The following PDIA5 variants were observed in gnomAD, a reference collection of about 807,000 sequenced individuals.
PDIA5 encodes protein disulfide-isomerase A5.
In PDIA5, 58 loss-of-function variants were observed where a neutral mutation model predicts 77.6. That is an observed-to-expected ratio of 0.75 (90% CI 0.61 to 0.93). The LOEUF is 0.93. PDIA5 is among the 40% of genes least tolerant of loss of function. The probability of loss-of-function intolerance (pLI) is 0.00; values close to 1 mark genes in which losing one functional copy is unlikely to be tolerated. For missense variants in PDIA5, 630 were observed against 647.7 expected (o/e 0.97, Z 0.30); for synonymous variants, 250 against 252.1 (o/e 0.99, Z 0.08).
intron 1 of PDIA5, among the ~76,000 whole-genome samples, chr3:123,076,269 A>G (rs1176917815): frequency 2.6e-5 from 4 of 152,152 alleles, no homozygotes; most frequent in Non-Finnish European, 4.4e-5. Flanking sequence ...CTACTGTTTT[A>G]GGCTTAATCC....
At chr3:123,102,538 T>C (rs2241961) in intron 4 of PDIA5, 44 bp downstream of exon 4, 1,325,220 of 1,414,636 alleles carry the variant, frequency 0.94, 622,804 homozygotes, top group Non-Finnish European at 0.96. Flanking sequence ...AAGTGCCAAA[T>C]GCTTTCATTG....
chr3:123,152,932 C>T lies in PDIA5; in HGVS notation c.1274-2039C>T, dbSNP rs567411026. On this transcript the variant is annotated intron_variant, in intron 14 of 16. Transcript: ENST00000316218. ...GTTCCTCTTTCCCCACTCTGGGAGGCGTCTTTGGTTTTCTGCTACACAGAG... is the reference window on the plus strand; with the variant it reads ...GTTCCTCTTTCCCCACTCTGGGAGGTGTCTTTGGTTTTCTGCTACACAGAG... Among the ~76,000 whole-genome samples the T allele has an allele frequency of 1.8e-4, 27 of 150,948 alleles. 1 individual carries two copies. Among genetic ancestry groups the T allele is most frequent in the African/African-American group, 5.8e-4 (24 of 41,126 alleles).
chr3:123,089,101 G>C, intron 1 of PDIA5, 67 bp from the exon 2 acceptor site: 1 of 1,518,034 alleles, frequency 6.6e-7, no homozygotes, highest in Admixed American at 1.8e-5. Flanking sequence ...GCACATCCAT[G>C]GGCACCGATT....
At chr3:123,133,655 T>C (rs1935423001) in intron 11 of PDIA5, among the ~76,000 whole-genome samples, 1 of 152,210 alleles carries the variant, frequency 6.6e-6, no homozygotes, top group Non-Finnish European at 1.5e-5. Flanking sequence ...GGGTATGTAC[T>C]TGTTTTTAAT....
intron 15 of PDIA5, among the ~76,000 whole-genome samples, chr3:123,157,412 G>A (rs974008775): frequency 2.0e-5 from 3 of 152,180 alleles, no homozygotes; most frequent in Non-Finnish European, 2.9e-5. Context: ...CCACAGGCTG[G>A]TGTGTGGGGA....
chr3:123,152,386 G>A (rs1935934313), intron 14 of PDIA5, among the ~76,000 whole-genome samples: 3 of 152,168 alleles, frequency 2.0e-5, no homozygotes, highest in Admixed American at 2.0e-4. Flanking sequence ...GGTCCTTAGA[G>A]TTTCTTCATT....
chr3:123,137,144 G>C (rs1015272695), intron 11 of PDIA5, among the ~76,000 whole-genome samples: 1 of 152,186 alleles, frequency 6.6e-6, no homozygotes, highest in African/African-American at 2.4e-5. Context: ...CTACAGAAAG[G>C]TTTTCCCAAA....
intron 13 of PDIA5, 90 bp downstream of exon 13, chr3:123,146,349 AAT>A: frequency 9.0e-7 from 1 of 1,114,582 alleles, no homozygotes; most frequent in Non-Finnish European, 1.3e-6. Flanking sequence ...CTTTATGGTC[AAT>A]GTCCTGGGCT....
intron 3 of PDIA5, among the ~76,000 whole-genome samples, chr3:123,094,707 G>A (rs970078237): frequency 6.6e-5 from 10 of 152,236 alleles, no homozygotes; most frequent in African/African-American, 2.2e-4. Flanking sequence ...GCCGAGGAAC[G>A]AGTAGGTGGC....
chr3:123,078,324 G>A (rs992560925), intron 1 of PDIA5, among the ~76,000 whole-genome samples: 2 of 152,214 alleles, frequency 1.3e-5, no homozygotes, highest in Non-Finnish European at 2.9e-5. Context: ...CAGAGCAAGC[G>A]CTGGGCCGGG....
intron 11 of PDIA5, among the ~76,000 whole-genome samples, chr3:123,142,267 G>A (rs548530033): frequency 2.0e-5 from 3 of 152,358 alleles, no homozygotes; most frequent in South Asian, 2.1e-4. Flanking sequence ...ATAGCACTGC[G>A]TGCTTTTATG....
chr3:123,119,120 C>T (rs769474157), intron 8 of PDIA5, among the ~76,000 whole-genome samples: 6 of 152,018 alleles, frequency 3.9e-5, no homozygotes, highest in Admixed American at 6.5e-5. Context: ...GGTGCAATGG[C>T]ATACACCTGT....
intron 1 of PDIA5, among the ~76,000 whole-genome samples, chr3:123,087,619 A>G (rs1038393576): frequency 4.6e-5 from 7 of 152,104 alleles, no homozygotes; most frequent in Admixed American, 3.3e-4. Flanking sequence ...CTCTGAGAAT[A>G]ATAATTTTCT....
chr3:123,100,136 G>A (rs1273513105), intron 3 of PDIA5, among the ~76,000 whole-genome samples: 1 of 152,222 alleles, frequency 6.6e-6, no homozygotes, highest in Non-Finnish European at 1.5e-5. Context: ...GCAGAACAAA[G>A]GCCAGCGAGG....
intron 1 of PDIA5, among the ~76,000 whole-genome samples, chr3:123,083,200 T>G (rs1456450078): frequency 8.2e-5 from 2 of 24,376 alleles, no homozygotes; most frequent in Middle Eastern, 0.018. Flanking sequence ...GGAAGGGAAC[T>G]GGTGCTCGGG....
chr3:123,106,711 G>T, intron 5 of PDIA5, 38 bp from the exon 6 acceptor site: 3 of 1,463,688 alleles, frequency 2.0e-6, no homozygotes, highest in Non-Finnish European at 2.9e-6. Flanking sequence ...TCTTTTCAGG[G>T]CTAAAATGCA....
intron 10 of PDIA5, 128 bp downstream of exon 10, chr3:123,124,471 A>G (rs1366432663): frequency 2.7e-6 from 2 of 747,828 alleles, no homozygotes; most frequent in South Asian, 1.5e-5. Flanking sequence ...GGTACTGCCT[A>G]CACAGCTGTC....
At chr3:123,068,838 G>A (rs1482048303) in intron 1 of PDIA5, among the ~76,000 whole-genome samples, 3 of 152,324 alleles carry the variant, frequency 2.0e-5, no homozygotes, top group Admixed American at 2.0e-4. Flanking sequence ...TGCAAGTGCT[G>A]TGACCTTAAG....
Position 123,128,973 on chromosome 3 carries a change from T to C in PDIA5, c.774-1507T>C, listed in dbSNP as rs557093052. On this transcript the variant is annotated intron_variant, in intron 10 of 16. Transcript: ENST00000316218. Reference sequence around the variant, plus strand: ...ATCTCCAGCAGTTTGTCCACATCAGTGCATAGAGAACATCATTCTTTGCAG... The same window carrying C: ...ATCTCCAGCAGTTTGTCCACATCAGCGCATAGAGAACATCATTCTTTGCAG... Among the ~76,000 whole-genome samples the C allele has an allele frequency of 9.2e-5, 14 of 152,336 alleles. No individual in the cohort carries two copies. The South Asian group carries it at 1.9e-3, about 20-fold the overall frequency.
Sources: allele counts gnomAD v4.1 joint callset (sites outside exome capture counted in the v4.1 genomes callset), GRCh38; gene constraint gnomAD v4.1.1; transcripts MANE v1.5; gene names NCBI Gene and HGNC (gene_info 2026-07-23, HGNC 2026-07-21).